The following ACTR3C variants were observed in gnomAD, a reference collection of about 807,000 sequenced individuals.
The protein encoded by ACTR3C is actin related protein 3C, also known as actin-related protein 3C.
In ACTR3C, 18 loss-of-function variants were observed where a neutral mutation model predicts 26.3. That is an observed-to-expected ratio of 0.68 (90% confidence interval 0.47 to 1.01). The LOEUF (loss-of-function observed/expected upper bound fraction) is 1.01. Among genes scored for constraint, ACTR3C ranks in the 50% least tolerant of loss-of-function variants. ACTR3C has a pLI of 0.00. For synonymous variants in ACTR3C, 55 were observed against 94.5 expected, an observed-to-expected ratio of 0.58 and a Z score of 2.42; for missense variants, 184 against 250.7, an observed-to-expected ratio of 0.73 and a Z score of 1.80.
chr7:150,043,352 G>T, the ACTR3C span, among the ~76,000 whole-genome samples: 1 of 151,494 alleles, frequency 6.6e-6, no homozygotes, highest in Non-Finnish European at 1.5e-5. Flanking sequence ...TGTGATGGGG[G>T]TCACAAGAGC....
At chr7:149,910,316 CAA>C in the ACTR3C span, among the ~76,000 whole-genome samples, 1 of 152,200 alleles carries the variant, frequency 6.6e-6, no homozygotes, top group Non-Finnish European at 1.5e-5. Context: ...AATCATCTGA[CAA>C]GAGCATCTCT....
chr7:150,283,092 C>T (rs1835481233), intron 6 of ACTR3C, among the ~76,000 whole-genome samples: 1 of 143,042 alleles, frequency 7.0e-6, no homozygotes, highest in Non-Finnish European at 1.5e-5. Flanking sequence ...GTCTCCAAGA[C>T]CATCTCTGCT....
the ACTR3C span, among the ~76,000 whole-genome samples, chr7:149,903,887 G>GT: frequency 7.5e-5 from 3 of 39,790 alleles, no homozygotes; most frequent in African/African-American, 1.4e-4. Context: ...TGTTGTTGTT[G>GT]TTGTTTGTTG....
chr7:149,946,151 G>A, the ACTR3C span, among the ~76,000 whole-genome samples: 1 of 152,222 alleles, frequency 6.6e-6, no homozygotes, highest in Admixed American at 6.5e-5. Flanking sequence ...GGGATGACAT[G>A]GAGGACCTGG....
the ACTR3C span, among the ~76,000 whole-genome samples, chr7:150,131,483 C>T: frequency 2.6e-5 from 4 of 151,944 alleles, no homozygotes; most frequent in South Asian, 2.1e-4. Context: ...TCACCCTCCT[C>T]AGAACTCTGC....
chr7:149,911,669 G>GAAA, the ACTR3C span, among the ~76,000 whole-genome samples: 219 of 140,096 alleles, frequency 1.6e-3, 2 homozygotes, highest in South Asian at 0.034. Context: ...ATGGGTTTCA[G>GAAA]AAAAAAAAAA....
chr7:150,071,247 C>T, the ACTR3C span, among the ~76,000 whole-genome samples: 1 of 151,926 alleles, frequency 6.6e-6, no homozygotes, highest in Non-Finnish European at 1.5e-5. Context: ...CCTCAGCCTC[C>T]CAAGTAGCTG....
At chr7:149,994,844 C>CT in the ACTR3C span, among the ~76,000 whole-genome samples, 25,317 of 112,408 alleles carry the variant, frequency 0.23, 3,445 homozygotes, top group South Asian at 0.29. Flanking sequence ...TGTTAACATT[C>CT]TTTTTTTTTT....
the ACTR3C span, among the ~76,000 whole-genome samples, chr7:150,157,280 G>A: frequency 6.6e-6 from 1 of 152,100 alleles, no homozygotes; most frequent in Non-Finnish European, 1.5e-5. Flanking sequence ...TTAAAGCACT[G>A]GAGACTTCTG....
At chr7:150,149,341 G>C in the ACTR3C span, among the ~76,000 whole-genome samples, 1 of 151,666 alleles carries the variant, frequency 6.6e-6, no homozygotes, top group Non-Finnish European at 1.5e-5. Context: ...TGATGCACTA[G>C]TGTTTTTTTT....
the ACTR3C span, among the ~76,000 whole-genome samples, chr7:150,037,190 C>A: frequency 5.6e-5 from 2 of 35,694 alleles, 1 homozygote; most frequent in Non-Finnish European, 1.1e-4. Context: ...CAGCCAGGGG[C>A]GGAAGAGGGG....
the ACTR3C span, among the ~76,000 whole-genome samples, chr7:150,124,912 C>T: frequency 4.6e-5 from 7 of 152,200 alleles, no homozygotes; most frequent in Admixed American, 4.6e-4. Context: ...ATTATCGTCC[C>T]CATCTTACAC....
At chr7:150,083,097 C>A in the ACTR3C span, among the ~76,000 whole-genome samples, 2 of 150,982 alleles carry the variant, frequency 1.3e-5, no homozygotes, top group African/African-American at 4.9e-5. Context: ...AGGCACATAC[C>A]ACCATGCCCA....
chr7:150,116,931 G>C, the ACTR3C span, among the ~76,000 whole-genome samples: 1 of 151,768 alleles, frequency 6.6e-6, no homozygotes, highest in African/African-American at 2.4e-5. Flanking sequence ...GCCCATGGAG[G>C]GTGAGCAGAA....
chr7:150,295,126 G>A, intron 2 of ACTR3C, 126 bp downstream of exon 2: 2 of 1,152,816 alleles, frequency 1.7e-6, no homozygotes, highest in Non-Finnish European at 1.2e-6. Flanking sequence ...CATGGGGACG[G>A]GGGAGGGAGT....
chr7:150,139,259 T>C, the ACTR3C span, among the ~76,000 whole-genome samples: 1 of 152,364 alleles, frequency 6.6e-6, no homozygotes, highest in Middle Eastern at 3.4e-3. Flanking sequence ...GGGAAGCTCT[T>C]TGAAAAGAGC....
the ACTR3C span, among the ~76,000 whole-genome samples, chr7:149,942,246 C>T: frequency 6.6e-6 from 1 of 152,202 alleles, no homozygotes; most frequent in Non-Finnish European, 1.5e-5. Flanking sequence ...GGGGAAATCA[C>T]ATAAATCACA....
chr7:150,316,882 G>T (rs1796982200), intron 1 of ACTR3C, among the ~76,000 whole-genome samples: 1 of 152,126 alleles, frequency 6.6e-6, no homozygotes, highest in African/African-American at 2.4e-5. Flanking sequence ...TAGATATTTA[G>T]TCCTCCTGCC....
At chr7:150,259,291 A>AAGAAAGAAAGAAAGAAAGAAAAAG (rs879890269) in intron 6 of ACTR3C, among the ~76,000 whole-genome samples, 1,985 of 149,452 alleles carry the variant, frequency 0.013, 53 homozygotes, top group African/African-American at 0.048. Flanking sequence ...GAAAGAAAGA[A>AAGAAAGAAAGAAAGAAAGAAAAAG]AAAGAAAGAA....
Sources: allele counts gnomAD v4.1 joint callset (sites outside exome capture counted in the v4.1 genomes callset), GRCh38; gene constraint gnomAD v4.1.1; transcripts MANE v1.5; gene names NCBI Gene and HGNC (gene_info 2026-07-23, HGNC 2026-07-21).